The following MYOF variants were observed in gnomAD, a reference collection of about 807,000 sequenced individuals.
MYOF encodes the protein fer-1-like 3, myoferlin.
In MYOF, 244 loss-of-function variants were observed where a neutral mutation model predicts 284.2. The ratio of observed to expected loss-of-function variants is 0.86; its 90% confidence interval spans 0.77 to 0.95. MYOF has a LOEUF of 0.95. Ranked by LOEUF, MYOF falls within the 40% of genes least tolerant of loss-of-function variation. The pLI is 0.00. For synonymous variants in MYOF, 904 were observed against 919.7 expected (o/e 0.98, Z 0.31); for missense variants, 2,496 against 2,560.6 (o/e 0.97, Z 0.54).
chr10:93,355,538 C>A, intron 31 of MYOF, 90 bp downstream of exon 31: 1 of 997,922 alleles, frequency 1.0e-6, no homozygotes, highest in Non-Finnish European at 1.5e-6. Flanking sequence ...CAAGATCGTA[C>A]CACTGCACTC....
At chr10:93,435,844 G>A (rs1403954458) in intron 3 of MYOF, among the ~76,000 whole-genome samples, 1 of 151,884 alleles carries the variant, frequency 6.6e-6, no homozygotes, top group Non-Finnish European at 1.5e-5. Context: ...TTGGGAGGCT[G>A]AGTGAGTCGT....
intron 28 of MYOF, among the ~76,000 whole-genome samples, chr10:93,360,482 T>C (rs1845018820): frequency 6.6e-6 from 1 of 152,230 alleles, no homozygotes; most frequent in South Asian, 2.1e-4. Context: ...GGGCCATACT[T>C]AGCACACAGC....
intron 40 of MYOF, among the ~76,000 whole-genome samples, chr10:93,337,206 T>C (rs1489916430): frequency 6.6e-6 from 1 of 151,838 alleles, no homozygotes; most frequent in African/African-American, 2.4e-5. Flanking sequence ...AGTTTTTTTT[T>C]CTCATATACA....
intron 38 of MYOF, among the ~76,000 whole-genome samples, chr10:93,342,496 A>G (rs1564633260): frequency 6.6e-6 from 1 of 152,236 alleles, no homozygotes; most frequent in Non-Finnish European, 1.5e-5. Flanking sequence ...TACAGTGGGA[A>G]TGACTGATAC....
Position 93,361,446 on chromosome 10 carries a change from T to A in MYOF, c.2974+6A>T. 1 of 1,613,814 alleles carries A rather than the reference T, an allele frequency of 6.2e-7. No individual in the cohort carries two copies. The highest frequency in any genetic ancestry group is 8.5e-7 in the Non-Finnish European group (1 of 1,179,694). On this transcript the variant is annotated splice_donor_region_variant and intron_variant, in intron 28 of 53. Coordinates refer to ENST00000359263, the MANE Select transcript of MYOF (RefSeq NM_013451.4). ...CCCCAATCAGGTCACAGATGTACAA[T>A]GTTACCTTTCTCATCCACCGCTCGA...
rs947559184 is a variant in MYOF at position 93,336,066 on chromosome 10, T to C, written c.4438-20A>G. 4.4e-6 allele frequency: 7 copies of C among 1,608,762 alleles called. No individual in the cohort carries two copies. Among genetic ancestry groups the C allele is most frequent in the Middle Eastern group, 3.3e-4 (2 of 6,022 alleles). Reference sequence around the variant, plus strand: ...ATATATCTGAAAACCACCAACAGAGTCTTAATTTCTCATTAAAATGCAGGT... The same window carrying C: ...ATATATCTGAAAACCACCAACAGAGCCTTAATTTCTCATTAAAATGCAGGT... On this transcript the variant is annotated intron_variant, in intron 40 of 53. Coordinates refer to ENST00000359263, the MANE Select transcript of MYOF (RefSeq NM_013451.4).
chr10:93,423,181 C>T (rs991408532), intron 5 of MYOF, among the ~76,000 whole-genome samples: 1 of 152,124 alleles, frequency 6.6e-6, no homozygotes, highest in East Asian at 1.9e-4. Flanking sequence ...TAACTTGATT[C>T]GGGTGGGTCC....
At chr10:93,426,916 C>G (rs1482428923) in intron 4 of MYOF, among the ~76,000 whole-genome samples, 1 of 123,358 alleles carries the variant, frequency 8.1e-6, no homozygotes, top group East Asian at 2.4e-4. Flanking sequence ...GAGACAGAGT[C>G]TCACTCTGTC....
chr10:93,337,197 GT>G (rs200988383), intron 40 of MYOF, among the ~76,000 whole-genome samples: 13 of 147,232 alleles, frequency 8.8e-5, no homozygotes, highest in African/African-American at 1.5e-4. Flanking sequence ...TCATTCTAAA[GT>G]TTTTTTTTCT....
chr10:93,348,156 C>T (rs572520243), intron 36 of MYOF, among the ~76,000 whole-genome samples: 19 of 152,176 alleles, frequency 1.2e-4, no homozygotes, highest in Non-Finnish European at 2.5e-4. Flanking sequence ...AGTCACTGCC[C>T]TATACTCTTC....
In MYOF at chr10:93,443,996, T is replaced by C. The variant is rs73321746; in HGVS notation, c.236+8054A>G. 2.3e-3 allele frequency among the ~76,000 whole-genome samples: 353 copies of C among 152,342 alleles called. 2 individuals carry two copies. Among genetic ancestry groups the C allele is most frequent in the African/African-American group, 8.3e-3 (344 of 41,570 alleles). On this transcript the variant is annotated intron_variant, in intron 3 of 53. Transcript: ENST00000359263. ...CTCCTGCCTTCCTGTGAGCTCAGCC[T>C]TGAGTTCCACATCTCTCTACAAAAT... is the stretch of plus-strand genomic sequence containing the variant.
intron 2 of MYOF, among the ~76,000 whole-genome samples, chr10:93,455,035 C>T (rs1001295678): frequency 2.2e-5 from 3 of 137,772 alleles, no homozygotes; most frequent in Admixed American, 7.7e-5. Context: ...GTGACTTATG[C>T]GTGTAATCCC....
chr10:93,360,113 T>G (rs1040711378), intron 28 of MYOF, 135 bp from the exon 29 acceptor site: 1 of 1,101,836 alleles, frequency 9.1e-7, no homozygotes, highest in Non-Finnish European at 1.3e-6. Context: ...TGTGGCTGTT[T>G]TCACTTTGCT....
At chr10:93,410,162 C>T (rs888960593) in intron 5 of MYOF, among the ~76,000 whole-genome samples, 5 of 152,138 alleles carry the variant, frequency 3.3e-5, no homozygotes, top group African/African-American at 7.2e-5. Context: ...TAGAGATCTG[C>T]TCGTGATCTA....
chr10:93,341,424 T>C (rs1208661351), intron 38 of MYOF, among the ~76,000 whole-genome samples: 2 of 152,030 alleles, frequency 1.3e-5, no homozygotes, highest in Admixed American at 1.3e-4. Flanking sequence ...TACAGGCGCC[T>C]GCCACCACAC....
chr10:93,334,669 G>A (rs910221555), intron 41 of MYOF, among the ~76,000 whole-genome samples: 2 of 152,124 alleles, frequency 1.3e-5, no homozygotes, highest in Non-Finnish European at 2.9e-5. Flanking sequence ...TTAAAACCAG[G>A]AGAAAGCACT....
At chr10:93,426,926 C>T (rs180901204) in intron 4 of MYOF, among the ~76,000 whole-genome samples, 200 of 130,870 alleles carry the variant, frequency 1.5e-3, no homozygotes, top group African/African-American at 4.2e-3. Context: ...CTCACTCTGT[C>T]GCCCAGGCTG....
chr10:93,422,091 A>C (rs1848380248), intron 5 of MYOF, among the ~76,000 whole-genome samples: 1 of 152,240 alleles, frequency 6.6e-6, no homozygotes, highest in African/African-American at 2.4e-5. Context: ...TTTGTAATAA[A>C]GAAATTTCAC....
intron 3 of MYOF, among the ~76,000 whole-genome samples, chr10:93,437,853 G>T (rs182963845): frequency 6.6e-6 from 1 of 152,086 alleles, no homozygotes; most frequent in Admixed American, 6.6e-5. Flanking sequence ...CTGATCCCCC[G>T]CCAAAAGGCA....
Sources: gnomAD v4.1 joint callset for allele counts (sites outside exome capture counted in the v4.1 genomes callset) on GRCh38, gnomAD v4.1.1 for gene constraint, MANE v1.5 for transcripts, NCBI Gene and HGNC (gene_info 2026-07-23, HGNC 2026-07-21) for gene names.